Variants in DEUP1 observed in about 807,000 individuals in gnomAD.
DEUP1 encodes the protein coiled-coil domain containing 67.
A neutral mutation model predicts 87.4 loss-of-function variants in DEUP1; 82 were observed. The ratio of observed to expected loss-of-function variants is 0.94; its 90% CI spans 0.78 to 1.13. The LOEUF is 1.13. Among genes scored for constraint, DEUP1 ranks in the 50% most tolerant of loss-of-function variants. DEUP1 has a pLI of 0.00. For missense variants in DEUP1, 663 were observed against 681.5 expected, an observed-to-expected ratio of 0.97 and a Z score of 0.30; for synonymous variants, 214 against 222.7, an observed-to-expected ratio of 0.96 and a Z score of 0.35.
intron 11 of DEUP1, 107 bp downstream of exon 11, chr11:93,396,432 G>T (rs971866350): frequency 9.3e-6 from 6 of 647,232 alleles, no homozygotes; most frequent in Non-Finnish European, 1.6e-5. Context: ...AGACATGAAG[G>T]AGTTGGGTGG....
At chr11:93,434,629 G>A (rs1948188666) in intron 13 of DEUP1, among the ~76,000 whole-genome samples, 2 of 152,164 alleles carry the variant, frequency 1.3e-5, no homozygotes, top group South Asian at 4.1e-4. Flanking sequence ...TAAGTTTGGT[G>A]GGACTCTTAC....
At chr11:93,414,969 GCAA>G (rs751185647) in intron 12 of DEUP1, 28 bp from the exon 13 acceptor site, 25 of 1,242,204 alleles carry the variant, frequency 2.0e-5, no homozygotes, top group South Asian at 5.7e-5. Flanking sequence ...GTCCTTGATA[GCAA>G]CAACAACAAC....
chr11:93,386,004 G>T (rs1052840722), intron 8 of DEUP1, among the ~76,000 whole-genome samples: 3 of 151,434 alleles, frequency 2.0e-5, no homozygotes, highest in African/African-American at 7.3e-5. Context: ...AGTGAGCTGT[G>T]ATCGTGCCAC....
intron 7 of DEUP1, among the ~76,000 whole-genome samples, chr11:93,375,815 G>A (rs948796347): frequency 3.3e-5 from 5 of 152,108 alleles, no homozygotes; most frequent in Non-Finnish European, 7.4e-5. Flanking sequence ...ATTGAAGGTA[G>A]GATTCCCTCT....
intron 13 of DEUP1, among the ~76,000 whole-genome samples, chr11:93,429,970 A>G (rs1391570033): frequency 6.6e-6 from 1 of 152,128 alleles, no homozygotes; most frequent in African/African-American, 2.4e-5. Flanking sequence ...TCCATCTTCT[A>G]ATGCATTTTG....
chr11:93,407,387 A>T (rs1306401833), intron 11 of DEUP1, among the ~76,000 whole-genome samples: 1 of 152,172 alleles, frequency 6.6e-6, no homozygotes, highest in Non-Finnish European at 1.5e-5. Flanking sequence ...AGGTTTGTGT[A>T]GACACACTGT....
intron 13 of DEUP1, among the ~76,000 whole-genome samples, chr11:93,420,460 T>C (rs545086057): frequency 7.2e-5 from 11 of 152,122 alleles, no homozygotes; most frequent in African/African-American, 2.4e-4. Flanking sequence ...AATATCATAC[T>C]GAATGGGCAA....
chr11:93,365,567 T>G (rs1945373818), intron 5 of DEUP1, among the ~76,000 whole-genome samples: 1 of 152,172 alleles, frequency 6.6e-6, no homozygotes, highest in Non-Finnish European at 1.5e-5. Context: ...AGAACTACAT[T>G]AATAAAAATT....
chr11:93,342,850 T>G (rs1394551798), intron 2 of DEUP1, among the ~76,000 whole-genome samples: 1 of 152,118 alleles, frequency 6.6e-6, no homozygotes, highest in Non-Finnish European at 1.5e-5. Flanking sequence ...GACTTACTGT[T>G]GTTGTGGGAT....
chr11:93,416,271 T>A (rs993636240), intron 13 of DEUP1, among the ~76,000 whole-genome samples: 2 of 151,794 alleles, frequency 1.3e-5, no homozygotes, highest in African/African-American at 4.8e-5. Context: ...TCAACAAAAT[T>A]GATAGACTGC....
intron 13 of DEUP1, among the ~76,000 whole-genome samples, chr11:93,433,897 G>A (rs1215713656): frequency 2.6e-5 from 4 of 152,110 alleles, no homozygotes; most frequent in Admixed American, 2.0e-4. Flanking sequence ...GGTATTTTAC[G>A]CCCCTGTGTC....
At chr11:93,360,265 C>T (rs1945103976) in intron 4 of DEUP1, among the ~76,000 whole-genome samples, 1 of 152,208 alleles carries the variant, frequency 6.6e-6, no homozygotes, top group African/African-American at 2.4e-5. Flanking sequence ...CTTGGACATC[C>T]ACTATCCCCT....
chr11:93,386,048 C>CA lies in DEUP1; in HGVS notation c.935+517dup, dbSNP rs1205680678. On this transcript the variant is annotated intron_variant, in intron 8 of 13. Transcript: ENST00000298050. The stretch of plus-strand genomic sequence containing the variant: ...AGCCTGGGCAACAGAGATCCTGTTT[C>CA]AAAAAAAAAAAAGATATTATACAAA... Among the ~76,000 whole-genome samples, 1,237 of 132,038 alleles carry CA rather than the reference C, an allele frequency of 9.4e-3. 20 individuals carry two copies. Among genetic ancestry groups the CA allele is most frequent in the African/African-American group, 0.032 (1,156 of 35,998 alleles). 86.6% of individuals were successfully genotyped at this position (132,038 alleles called of 152,430 possible).
At chr11:93,401,033 T>C (rs1258685089) in intron 11 of DEUP1, among the ~76,000 whole-genome samples, 1 of 152,164 alleles carries the variant, frequency 6.6e-6, no homozygotes, top group Non-Finnish European at 1.5e-5. Flanking sequence ...GATATGATCT[T>C]ATGCTTAGAA....
rs1947848545 is a variant in DEUP1, at chr11:93,420,676, C to T, written c.1638+5562C>T. Among the ~76,000 whole-genome samples the T allele has an allele frequency of 2.1e-5, 3 of 145,948 alleles. No homozygotes were observed. The Admixed American group carries it at 2.1e-4, about 10-fold the overall frequency. On this transcript the variant is annotated intron_variant, in intron 13 of 13. Coordinates refer to ENST00000298050, the MANE Select transcript of DEUP1 (RefSeq NM_181645.4). Reference sequence around the variant, plus strand: ...TATCGAGAAAACCCCATTGTCTCTGCCCAAAATCTCCTTAAGTTGATAAGC... The same window carrying T: ...TATCGAGAAAACCCCATTGTCTCTGTCCAAAATCTCCTTAAGTTGATAAGC...
chr11:93,416,495 T>C lies in DEUP1; in HGVS notation c.1638+1381T>C, dbSNP rs565933001. Among the ~76,000 whole-genome samples, 475 of 152,194 alleles carry C rather than the reference T, an allele frequency of 3.1e-3. 1 individual carries two copies. The highest frequency in any genetic ancestry group is 0.011 in the African/African-American group (441 of 41,512). Reference sequence around the variant, plus strand: ...CTAAACCAGGAAGAAGTTGAATCTCTGAATAGACCAATAACAGGATCTGAA... The same window carrying C: ...CTAAACCAGGAAGAAGTTGAATCTCCGAATAGACCAATAACAGGATCTGAA... On this transcript the variant is annotated intron_variant, in intron 13 of 13. Coordinates refer to ENST00000298050, the MANE Select transcript of DEUP1 (RefSeq NM_181645.4).
At chr11:93,375,196 A>C (rs959032624) in intron 7 of DEUP1, among the ~76,000 whole-genome samples, 1 of 152,000 alleles carries the variant, frequency 6.6e-6, no homozygotes, top group African/African-American at 2.4e-5. Context: ...TTTTGGATGA[A>C]TCTTTAGAGT....
intron 10 of DEUP1, 106 bp from the exon 11 acceptor site, chr11:93,396,133 C>T: frequency 1.4e-6 from 1 of 708,202 alleles, no homozygotes; most frequent in Non-Finnish European, 2.5e-6. Flanking sequence ...AGAAGTGTTT[C>T]CCTTCATTAC....
chr11:93,370,996 T>C, intron 6 of DEUP1, 42 bp from the exon 7 acceptor site: 1 of 1,547,936 alleles, frequency 6.5e-7, no homozygotes, highest in Non-Finnish European at 8.8e-7. Context: ...AGCTTAAATA[T>C]GACATTCTTC....
Sources: allele counts gnomAD v4.1 joint callset (sites outside exome capture counted in the v4.1 genomes callset), GRCh38; gene constraint gnomAD v4.1.1; transcripts MANE v1.5; gene names NCBI Gene and HGNC (gene_info 2026-07-23, HGNC 2026-07-21).